The following NPNT variants were observed in gnomAD, a reference collection of about 807,000 sequenced individuals.
The protein encoded by NPNT is nephronectin.
NPNT carries 45 observed loss-of-function variants against 68.6 expected under a neutral mutation model. That is an observed-to-expected ratio of 0.66 (90% CI 0.52 to 0.84). The LOEUF (loss-of-function observed/expected upper bound fraction) is 0.84, where lower values mean the gene tolerates loss of function less well. Among genes scored for constraint, NPNT ranks in the 40% least tolerant of loss-of-function variants. The pLI, the probability that NPNT is intolerant of heterozygous loss-of-function variation, is 0.00. For missense variants in NPNT, 672 were observed against 714.8 expected, an observed-to-expected ratio of 0.94 and a Z score of 0.68; for synonymous variants, 233 against 253.3, an observed-to-expected ratio of 0.92 and a Z score of 0.76.
In NPNT at chr4:105,963,908, T is replaced by G. The variant is rs572212558; in HGVS notation, c.1346-3280T>G. Among the ~76,000 whole-genome samples the G allele has an allele frequency of 5.3e-5, 8 of 152,092 alleles. No homozygotes were observed. The East Asian group carries it at 1.5e-3, about 29-fold the overall frequency. Reference sequence around the variant, plus strand: ...CACCACCCAGCAAGATGCAGCCAGTTTCTTGATTATGTTCTCAGAGAGATA... The same window carrying G: ...CACCACCCAGCAAGATGCAGCCAGTGTCTTGATTATGTTCTCAGAGAGATA... On this transcript the variant is annotated intron_variant, in intron 10 of 11. Coordinates refer to ENST00000379987, the MANE Select transcript of NPNT (RefSeq NM_001033047.3).
At chr4:105,937,898 TG>T (rs1729620582) in intron 4 of NPNT, among the ~76,000 whole-genome samples, 1 of 152,228 alleles carries the variant, frequency 6.6e-6, no homozygotes, top group Non-Finnish European at 1.5e-5. Context: ...AAGTATAGCA[TG>T]GAACTTTTTG....
rs1578703184 is a variant in NPNT, at chr4:105,969,047, C to T, written c.*57C>T. Reference sequence around the variant, plus strand: ...TGCTCTATCCTCTTTTTCCAATTCTCATCTTCTCTCCTCTTCTCCCTTTTA... The same window carrying T: ...TGCTCTATCCTCTTTTTCCAATTCTTATCTTCTCTCCTCTTCTCCCTTTTA... On this transcript the variant is annotated 3_prime_UTR_variant, in exon 12 of 12. Transcript: ENST00000379987. 4 of 1,102,132 alleles carry T rather than the reference C, an allele frequency of 3.6e-6. No homozygotes were observed. The highest frequency in any genetic ancestry group is 1.5e-5 in the African/African-American group (1 of 64,644). The allele number at this position is 1,102,132 out of a possible 1,614,324, so 68.3% of individuals were successfully genotyped here. A position where few individuals can be genotyped will look rare whatever the true frequency, so the allele number is the denominator to read the frequency against.
chr4:105,914,509 C>A (rs1225274092), intron 2 of NPNT, among the ~76,000 whole-genome samples: 1 of 138,172 alleles, frequency 7.2e-6, no homozygotes, highest in Non-Finnish European at 1.5e-5. Flanking sequence ...GAGAGAGAGC[C>A]AGCTATTACC....
At chr4:105,918,803 CA>C (rs1342180174) in intron 2 of NPNT, among the ~76,000 whole-genome samples, 2 of 152,132 alleles carry the variant, frequency 1.3e-5, no homozygotes, top group African/African-American at 4.8e-5. Context: ...TCATAATTAG[CA>C]TTTTATTGAG....
chr4:105,953,248 G>A (rs4235416), intron 8 of NPNT, among the ~76,000 whole-genome samples: 134,767 of 152,238 alleles, frequency 0.89, 59,993 homozygotes, highest in East Asian at 1. Flanking sequence ...AATACATAAA[G>A]GAGAAATAGG....
chr4:105,915,173 G>A (rs1041205191), intron 2 of NPNT, among the ~76,000 whole-genome samples: 1 of 152,118 alleles, frequency 6.6e-6, no homozygotes, highest in African/African-American at 2.4e-5. Flanking sequence ...GGCCTCTTAA[G>A]TAGCTGGCCC....
rs752206250 is a variant in NPNT at position 105,971,086 on chromosome 4, T to C, written c.*2096T>C. ...ATAAGCCTTTCATTTGTTCAATGGA[T>C]GATGTTTCAGATTTTTTTTTTTTTA... On this transcript the variant is annotated 3_prime_UTR_variant, in exon 12 of 12. Coordinates refer to ENST00000379987, the MANE Select transcript of NPNT (RefSeq NM_001033047.3). 3.4e-5 allele frequency: 15 copies of C among 438,696 alleles called. No individual in the cohort carries two copies. Among genetic ancestry groups the C allele is most frequent in the Middle Eastern group, 3.4e-4 (1 of 2,974 alleles). 27.2% of individuals were successfully genotyped at this position (438,696 alleles called of 1,614,324 possible). A position where few individuals can be genotyped will look rare whatever the true frequency, so the allele number is the denominator to read the frequency against.
At chr4:105,900,011 A>C (rs1008645770) in intron 2 of NPNT, among the ~76,000 whole-genome samples, 2 of 152,254 alleles carry the variant, frequency 1.3e-5, no homozygotes, top group East Asian at 3.8e-4. Flanking sequence ...TGAAATTAAA[A>C]GTTTTGTCAC....
intron 2 of NPNT, among the ~76,000 whole-genome samples, chr4:105,921,706 G>T (rs948767815): frequency 5.3e-5 from 8 of 152,082 alleles, no homozygotes; most frequent in Non-Finnish European, 1.2e-4. Context: ...CTTTTCAGAG[G>T]ACCACTGTAC....
chr4:105,967,516 T>A (rs999996237), intron 11 of NPNT, 72 bp downstream of exon 11: 1 of 1,425,594 alleles, frequency 7.0e-7, no homozygotes, highest in Non-Finnish European at 9.4e-7. Flanking sequence ...GATCTGAATT[T>A]GAAGAAGCCT....
chr4:105,937,542 T>G (rs1403225570), intron 4 of NPNT, among the ~76,000 whole-genome samples: 1 of 151,844 alleles, frequency 6.6e-6, no homozygotes, highest in Non-Finnish European at 1.5e-5. Context: ...AAATCATTCA[T>G]AAATATTTTC....
chr4:105,962,323 C>A (rs918092866), intron 10 of NPNT, among the ~76,000 whole-genome samples: 1 of 152,070 alleles, frequency 6.6e-6, no homozygotes, highest in African/African-American at 2.4e-5. Context: ...TAACGTTTAG[C>A]CTGGAGAAGA....
Position 105,971,217 on chromosome 4 carries a change from C to T in NPNT, c.*2227C>T, listed in dbSNP as rs1202524203. On this transcript the variant is annotated 3_prime_UTR_variant, in exon 12 of 12. Transcript: ENST00000379987. ...GCTGCTGAGAAAGAGTGCCCTGCCC[C>T]ACACCGGCAGACCTTTCCTTCACCT... 1 of 452,778 alleles carries T rather than the reference C, an allele frequency of 2.2e-6. No homozygotes were observed. The allele number at this position is 452,778 out of a possible 1,614,324, so 28.0% of individuals were successfully genotyped here.
chr4:105,941,602 C>A (rs556053683), intron 7 of NPNT, among the ~76,000 whole-genome samples: 301 of 152,258 alleles, frequency 2.0e-3, no homozygotes, highest in Non-Finnish European at 3.0e-3. Flanking sequence ...GTCATGTAGT[C>A]ATTCCCAGTC....
intron 2 of NPNT, among the ~76,000 whole-genome samples, chr4:105,906,281 C>G (rs1726886543): frequency 6.6e-6 from 1 of 152,192 alleles, no homozygotes; most frequent in Non-Finnish European, 1.5e-5. Flanking sequence ...GCATGTAGTT[C>G]TGAACGAAGA....
In NPNT at chr4:105,937,059, A is replaced by G. The variant is rs758341809; in HGVS notation, c.316A>G (p.Asn106Asp). 5 of 1,613,742 alleles carry G rather than the reference A, an allele frequency of 3.1e-6. No individual in the cohort carries two copies. The South Asian group carries it at 5.5e-5, about 18-fold the overall frequency. The part of the protein sequence containing the change: ...KPRPCKHRCM[N>D]TYGSYKCYCL... ...CCGGCCCTGTAAGCACAGGTGCATG[A>G]ACACTTACGGCAGCTACAAGTGCTA... is the stretch of plus-strand genomic sequence containing the variant. The change falls in exon 4 of 12, where the codon AAC becomes GAC. Residue 106 changes from asparagine to aspartate, a missense_variant. Coordinates refer to ENST00000379987, the MANE Select transcript of NPNT (RefSeq NM_001033047.3).
chr4:105,959,809 CTTTTTTTT>C (rs35297511), intron 10 of NPNT, among the ~76,000 whole-genome samples: 1 of 131,544 alleles, frequency 7.6e-6, no homozygotes, highest in Admixed American at 7.8e-5. Flanking sequence ...GTAGTTAAAT[CTTTTTTTT>C]TTTTTTTTTT....
rs755833504 is a variant in NPNT at position 105,942,792 on chromosome 4, G to C, written c.1159+90G>C. The C allele has an allele frequency of 6.3e-6, 8 of 1,260,644 alleles. No individual in the cohort carries two copies. The East Asian group carries it at 1.4e-4, about 23-fold the overall frequency. The allele number at this position is 1,260,644 out of a possible 1,614,324, so 78.1% of individuals were successfully genotyped here. On this transcript the variant is annotated intron_variant, in intron 8 of 11. Coordinates refer to ENST00000379987, the MANE Select transcript of NPNT (RefSeq NM_001033047.3). ...CATGCCTTGAATAAGAATGAAACTC[G>C]TAAGAAGAACTAGCTATGTAAAGTC...
chr4:105,936,892 T>C (rs1190790281), intron 3 of NPNT, 117 bp from the exon 4 acceptor site: 11 of 971,600 alleles, frequency 1.1e-5, no homozygotes, highest in African/African-American at 1.7e-5. Flanking sequence ...TAAATGACAG[T>C]TACTGTAGCT....
Sources: gnomAD v4.1 joint callset for allele counts (sites outside exome capture counted in the v4.1 genomes callset) on GRCh38, gnomAD v4.1.1 for gene constraint, MANE v1.5 for transcripts, NCBI Gene and HGNC (gene_info 2026-07-23, HGNC 2026-07-21) for gene names.